Variants in RIMS1 observed in about 807,000 individuals in gnomAD.
RIMS1 encodes regulating synaptic membrane exocytosis 1.
In RIMS1, 83 loss-of-function variants were observed where a neutral mutation model predicts 214.1. The observed-to-expected ratio is 0.39, with a 90% CI of 0.32 to 0.47. The LOEUF (loss-of-function observed/expected upper bound fraction) is 0.47, where lower values mean the gene tolerates loss of function less well. Among genes scored for constraint, RIMS1 ranks in the 20% least tolerant of loss-of-function variants. The probability of loss-of-function intolerance (pLI) is 0.99; values close to 1 mark genes in which losing one functional copy is unlikely to be tolerated. For synonymous variants in RIMS1, 793 were observed against 786.8 expected, an observed-to-expected ratio of 1.01 and a Z score of -0.13; for missense variants, 2,050 against 2,161.8, an observed-to-expected ratio of 0.95 and a Z score of 1.03.
intron 9 of RIMS1, among the ~76,000 whole-genome samples, 188 bp from the exon 10 acceptor site, chr6:72,242,121 CAAAAG>C (rs1270650738): frequency 2.6e-5 from 4 of 151,572 alleles, no homozygotes; most frequent in East Asian, 1.9e-4. Context: ...AAAAGAAAAA[CAAAAG>C]AAAAGAAAAA....
intron 1 of RIMS1, among the ~76,000 whole-genome samples, chr6:71,954,987 T>C (rs1790793606): frequency 6.6e-6 from 1 of 152,180 alleles, no homozygotes; most frequent in Non-Finnish European, 1.5e-5. Flanking sequence ...GTAAGAACTC[T>C]TGTGTCTGGC....
intron 2 of RIMS1, among the ~76,000 whole-genome samples, chr6:72,041,923 G>A (rs1200864709): frequency 1.3e-5 from 2 of 151,826 alleles, no homozygotes; most frequent in Non-Finnish European, 2.9e-5. Context: ...AAATGGCAGA[G>A]CAAGGATTCA....
intron 31 of RIMS1, among the ~76,000 whole-genome samples, chr6:72,397,055 A>G (rs1024810390): frequency 1.3e-5 from 2 of 152,146 alleles, no homozygotes; most frequent in South Asian, 2.1e-4. Context: ...TTGGAAATTT[A>G]TTTAAGATGG....
At chr6:71,963,663 T>A (rs994252979) in intron 1 of RIMS1, among the ~76,000 whole-genome samples, 1 of 152,204 alleles carries the variant, frequency 6.6e-6, no homozygotes, top group Non-Finnish European at 1.5e-5. Context: ...CTTTTTCTTG[T>A]GCAGAAAGAG....
chr6:72,269,116 A>G (rs2081882144), intron 22 of RIMS1, among the ~76,000 whole-genome samples: 1 of 152,140 alleles, frequency 6.6e-6, no homozygotes. Flanking sequence ...ATGAAAGGGT[A>G]GTTTAAACTT....
chr6:71,951,492 T>TGTGTG (rs1554151371), intron 1 of RIMS1, among the ~76,000 whole-genome samples: 2 of 117,462 alleles, frequency 1.7e-5, no homozygotes, highest in Admixed American at 1.7e-4. Context: ...TTTTTTTTTT[T>TGTGTG]TGTGTGTGTG....
chr6:71,976,047 T>C (rs1554166529), intron 2 of RIMS1, among the ~76,000 whole-genome samples: 1 of 152,116 alleles, frequency 6.6e-6, no homozygotes, highest in Non-Finnish European at 1.5e-5. Context: ...GGGATATGGA[T>C]GTTCTCAATT....
chr6:72,325,351 A>G (rs569826990), intron 28 of RIMS1, among the ~76,000 whole-genome samples: 1 of 151,746 alleles, frequency 6.6e-6, no homozygotes, highest in South Asian at 2.1e-4. Flanking sequence ...TGCATATAGG[A>G]AATATATAAA....
In RIMS1 at chr6:72,182,331, A is replaced by G. The variant is rs1481837668; in HGVS notation, c.860A>G (p.Lys287Arg). 6.2e-7 allele frequency: 1 copy of G among 1,611,988 alleles called. No individual in the cohort carries two copies. Among genetic ancestry groups the G allele is most frequent in the Admixed American group, 1.7e-5 (1 of 59,770 alleles). ...GAGCAGAATGGCAAAGGAGCCCTGAAGAGCGAGCGGAAACGCGTGCCAAAG... is the reference window on the plus strand; with the variant it reads ...GAGCAGAATGGCAAAGGAGCCCTGAGGAGCGAGCGGAAACGCGTGCCAAAG... Reference protein sequence around the residue: ...LSEQNGKGALKSERKRVPKTS... With the variant: ...LSEQNGKGALRSERKRVPKTS... Residue 287 changes from lysine (K) to arginine (R), a missense_variant, in exon 6 of 34, where the codon AAG becomes AGG. Coordinates refer to ENST00000521978, the MANE Select transcript of RIMS1 (RefSeq NM_014989.7).
Position 72,266,006 on chromosome 6 carries a change from T to C in RIMS1, c.3355T>C (p.Cys1119Arg), listed in dbSNP as rs990717820. ...CAGGGCTAGGAGTGCTAGTACCAACTGCTTGAGACCAGATACTAGTTTGCA... is the reference window on the plus strand; with the variant it reads ...CAGGGCTAGGAGTGCTAGTACCAACCGCTTGAGACCAGATACTAGTTTGCA... ...LDRARSASTNCLRPDTSLHSP... is the reference protein window; with the variant it reads ...LDRARSASTNRLRPDTSLHSP... The change falls in exon 22 of 34, where the codon TGC becomes CGC. Residue 1119 changes from cysteine (C) to arginine (R), a missense_variant. Coordinates refer to ENST00000521978, the MANE Select transcript of RIMS1 (RefSeq NM_014989.7). 34 of 1,585,418 alleles carry C rather than the reference T, an allele frequency of 2.1e-5. No homozygotes were observed. Among genetic ancestry groups the C allele is most frequent in the Non-Finnish European group, 2.8e-5 (33 of 1,164,660 alleles).
chr6:72,013,218 G>A (rs979601004), intron 2 of RIMS1, among the ~76,000 whole-genome samples: 2 of 151,872 alleles, frequency 1.3e-5, no homozygotes, highest in Admixed American at 6.6e-5. Context: ...TATTGCCTAC[G>A]CCTGTCTGGA....
intron 4 of RIMS1, among the ~76,000 whole-genome samples, chr6:72,158,533 A>C: frequency 7.4e-6 from 1 of 136,028 alleles, no homozygotes; most frequent in African/African-American, 2.5e-5. Flanking sequence ...AACATTAGGT[A>C]TATCTCCTAA....
At chr6:72,186,779 A>AC (rs11382729) in intron 6 of RIMS1, among the ~76,000 whole-genome samples, 74,216 of 148,154 alleles carry the variant, frequency 0.5, 18,844 homozygotes, top group East Asian at 0.72. Context: ...GTATATATGT[A>AC]CCCCCCCCCA....
intron 18 of RIMS1, 54 bp downstream of exon 18, chr6:72,259,165 A>G: frequency 6.7e-7 from 1 of 1,484,766 alleles, no homozygotes; most frequent in Non-Finnish European, 9.3e-7. Context: ...CTGTTTTAAT[A>G]TATACAGATA....
intron 4 of RIMS1, among the ~76,000 whole-genome samples, chr6:72,141,328 C>G (rs2042052476): frequency 6.6e-6 from 1 of 151,908 alleles, no homozygotes; most frequent in South Asian, 2.1e-4. Context: ...GAAAATAACT[C>G]TAGTGGAACT....
intron 6 of RIMS1, among the ~76,000 whole-genome samples, chr6:72,215,766 C>T (rs555654306): frequency 4.6e-5 from 7 of 152,170 alleles, no homozygotes; most frequent in Admixed American, 3.9e-4. Context: ...TGAGTGAGAC[C>T]GTAAATATGT....
chr6:72,081,599 A>G (rs1235229856), intron 2 of RIMS1, among the ~76,000 whole-genome samples: 2 of 152,136 alleles, frequency 1.3e-5, no homozygotes, highest in East Asian at 3.9e-4. Context: ...TTTTAAAAAT[A>G]GACTTGATTA....
chr6:72,331,965 A>AC (rs1005209633), intron 28 of RIMS1, among the ~76,000 whole-genome samples: 2 of 151,692 alleles, frequency 1.3e-5, no homozygotes, highest in African/African-American at 4.8e-5. Flanking sequence ...GATCCTAAGG[A>AC]CCAGTCTTAC....
chr6:72,293,846 A>C (rs1219525005), intron 26 of RIMS1, among the ~76,000 whole-genome samples: 2 of 151,734 alleles, frequency 1.3e-5, no homozygotes, highest in African/African-American at 4.8e-5. Flanking sequence ...AGAAATCATC[A>C]ATTTGTAAGG....
Sources: allele counts gnomAD v4.1 joint callset (sites outside exome capture counted in the v4.1 genomes callset), GRCh38; gene constraint gnomAD v4.1.1; transcripts MANE v1.5; gene names NCBI Gene and HGNC (gene_info 2026-07-23, HGNC 2026-07-21).